The following CYP4F8 variants were observed in gnomAD, a reference collection of about 807,000 sequenced individuals.
CYP4F8 encodes cytochrome P450 4F8.
In CYP4F8, 56 loss-of-function variants were observed where a neutral mutation model predicts 55.0. The ratio of observed to expected loss-of-function variants is 1.02; its 90% CI spans 0.82 to 1.27. The LOEUF (loss-of-function observed/expected upper bound fraction) is 1.27, where lower values mean the gene tolerates loss of function less well. Ranked by LOEUF, CYP4F8 falls within the 50% of genes most tolerant of loss-of-function variation. The pLI is 0.00. For missense variants in CYP4F8, 680 were observed against 682.4 expected (o/e 1.00, Z 0.04); for synonymous variants, 288 against 267.3 (o/e 1.08, Z -0.76).
At chr19:15,624,859 C>G (rs1193823844) in intron 9 of CYP4F8, among the ~76,000 whole-genome samples, 87 of 152,132 alleles carry the variant, frequency 5.7e-4, no homozygotes, top group Non-Finnish European at 7.4e-5. Flanking sequence ...TCTGTGAAGT[C>G]AGTTTTTGCG....
rs1384673967 is a variant in CYP4F8, at chr19:15,627,088, T to A, written c.1116-1214T>A. The A allele has an allele frequency of 6.6e-5, 10 of 152,236 alleles. No individual in the cohort carries two copies. The South Asian group carries it at 8.3e-4, about 13-fold the overall frequency. The allele number at this position is 152,236 out of a possible 1,614,324, so 9.4% of individuals were successfully genotyped here. On this transcript the variant is annotated intron_variant, in intron 9 of 12. Coordinates refer to ENST00000612078, the MANE Select transcript of CYP4F8 (RefSeq NM_007253.4). ...TCTTGCAGCAGTCCCACAGTTTTTTTAAAATTATTTTATTTTTATTAGTAT... is the reference window on the plus strand; with the variant it reads ...TCTTGCAGCAGTCCCACAGTTTTTTAAAAATTATTTTATTTTTATTAGTAT...
At position 15,623,999 on chromosome 19, in the gene CYP4F8, C is replaced by T. The variant is rs774299766; in HGVS notation, c.1020C>T (p.Val340=). ...HDTTASGLSW[V]LYNLARHPEY... The stretch of plus-strand genomic sequence containing the variant: ...CCACGGCCAGTGGCCTCTCCTGGGT[C>T]TTGTACAACCTCGCGAGGCACCCAG... Residue 340 remains valine, a synonymous_variant, in exon 9 of 13, where the codon GTC becomes GTT. Transcript: ENST00000612078. 9.3e-6 allele frequency: 15 copies of T among 1,614,072 alleles called. No individual in the cohort carries two copies. The highest frequency in any genetic ancestry group is 1.0e-5 in the Non-Finnish European group (12 of 1,180,046).
In CYP4F8 at chr19:15,628,557, G is replaced by C. The variant is rs769785131; in HGVS notation, c.1276G>C (p.Ala426Pro). ...KGNVCNINIF[A>P]IHHNPSVWPD... ...GAATGTCTGTAACATCAACATCTTC[G>C]CAATCCATCACAACCCCTCAGTCTG... The change falls in exon 11 of 13, where the codon GCA becomes CCA. Residue 426 changes from alanine to proline, a missense_variant. Physicochemically the swap from Ala to Pro is conservative, Grantham distance 27. Transcript: ENST00000612078. 18 of 1,613,708 alleles carry C rather than the reference G, an allele frequency of 1.1e-5. No homozygotes were observed. The Admixed American group carries it at 2.8e-4, about 25-fold the overall frequency.
At position 15,623,309 on chromosome 19, in the gene CYP4F8, T is replaced by C. The variant is rs1470971633; in HGVS notation, c.852T>C (p.Asp284=). The C allele has an allele frequency of 6.2e-7, 1 of 1,614,054 alleles. No homozygotes were observed. The highest frequency in any genetic ancestry group is 8.5e-7 in the Non-Finnish European group (1 of 1,180,018). ...GCACCCTCACTAGCCAGGGTGTTGA[T>C]GACTTCCTCCAAGCCAAGGCCAAGT... is the stretch of plus-strand genomic sequence containing the variant. The part of the protein sequence containing the change: ...RRRTLTSQGV[D]DFLQAKAKSK... Residue 284 remains aspartate (D), a synonymous_variant, in exon 7 of 13, where the codon GAT becomes GAC. Transcript: ENST00000612078.
chr19:15,619,827 T>C (rs1356759000), intron 5 of CYP4F8, 65 bp downstream of exon 5: 1 of 1,576,360 alleles, frequency 6.3e-7, no homozygotes, highest in African/African-American at 1.3e-5. Flanking sequence ...TACAATTGGG[T>C]CTGGAATGTT....
In CYP4F8 at chr19:15,618,050, C is replaced by T. The variant is rs1167208726; in HGVS notation, c.249C>T (p.Thr83=). Reference sequence around the variant, plus strand: ...GGGTCCTGACCCAGCTGGTGGCCACCTACCCCCAGGGCTTTGTGAGGTGGT... The same window carrying T: ...GGGTCCTGACCCAGCTGGTGGCCACTTACCCCCAGGGCTTTGTGAGGTGGT... ...GLRVLTQLVA[T]YPQGFVRWLG... is the part of the protein sequence containing the mutation. Residue 83 remains threonine (T), a synonymous_variant, in exon 3 of 13, where the codon ACC becomes ACT. Transcript: ENST00000612078. 15 of 1,614,010 alleles carry T rather than the reference C, an allele frequency of 9.3e-6. No homozygotes were observed. Among genetic ancestry groups the T allele is most frequent in the Non-Finnish European group, 1.3e-5 (15 of 1,179,992 alleles).
At chr19:15,617,031 G>A (rs189372769) in intron 2 of CYP4F8, among the ~76,000 whole-genome samples, 51 of 152,310 alleles carry the variant, frequency 3.3e-4, no homozygotes, top group Admixed American at 1.8e-3. Context: ...AAGTTCCACC[G>A]TGTACAGACC....
rs563495964 is a variant in CYP4F8, at chr19:15,629,628, T to C, written c.*270T>C. The C allele has an allele frequency of 9.2e-5, 36 of 392,670 alleles. No homozygotes were observed. Among genetic ancestry groups the C allele is most frequent in the Non-Finnish European group, 1.3e-4 (29 of 221,916 alleles). The allele number at this position is 392,670 out of a possible 1,614,324, so 24.3% of individuals were successfully genotyped here. On this transcript the variant is annotated 3_prime_UTR_variant, in exon 13 of 13. Transcript: ENST00000612078. The stretch of plus-strand genomic sequence containing the variant: ...TCCCAGAGTCTAAGTAAAGACTTTT[T>C]CCCCCCCAAAATAATTGTGTATTCT...
In CYP4F8 at chr19:15,628,339, C is replaced by T; in HGVS notation, c.1153C>T (p.Leu385=). Residue 385 remains leucine (L), a synonymous_variant, in exon 10 of 13, where the codon CTG becomes TTG. Coordinates refer to ENST00000612078, the MANE Select transcript of CYP4F8 (RefSeq NM_007253.4). ...CCAGTTGCCCTTCCTGACCATGTGCCTGAAGGAGAGCCTGCGGTTGCATCC... is the reference window on the plus strand; with the variant it reads ...CCAGTTGCCCTTCCTGACCATGTGCTTGAAGGAGAGCCTGCGGTTGCATCC... ...LAQLPFLTMC[L]KESLRLHPPI... 2 of 1,614,096 alleles carry T rather than the reference C, an allele frequency of 1.2e-6. No individual in the cohort carries two copies. The highest frequency in any genetic ancestry group is 1.7e-6 in the Non-Finnish European group (2 of 1,180,028).
At chr19:15,627,534 A>G (rs1477456882) in intron 9 of CYP4F8, 1 of 152,134 alleles carries the variant, frequency 6.6e-6, no homozygotes, top group Non-Finnish European at 1.5e-5. Flanking sequence ...CAATTAGAAT[A>G]AGATTTCAAA....
At chr19:15,616,329 TGCTTTGCCATGCCAAG>T (rs1972122020) in intron 2 of CYP4F8, among the ~76,000 whole-genome samples, 8 of 151,986 alleles carry the variant, frequency 5.3e-5, no homozygotes, top group Admixed American at 1.3e-4. Context: ...CTCATTCCTC[TGCTTTGCCATGCCAAG>T]CCTTTCTCAT....
rs199929435 is a variant in CYP4F8 at position 15,616,234 on chromosome 19, A to G, written c.198+420A>G. 3.7e-3 allele frequency among the ~76,000 whole-genome samples: 243 copies of G among 66,462 alleles called. 1 individual carries two copies. The East Asian group carries it at 0.079, about 22-fold the overall frequency. The allele number at this position is 66,462 out of a possible 152,430, so 43.6% of individuals were successfully genotyped here. On this transcript the variant is annotated intron_variant, in intron 2 of 12. Coordinates refer to ENST00000612078, the MANE Select transcript of CYP4F8 (RefSeq NM_007253.4). ...TCCTCACTCACTCATTCCTCTCCTCACCCACTCATTCCTCTCCTCGCTCAC... is the reference window on the plus strand; with the variant it reads ...TCCTCACTCACTCATTCCTCTCCTCGCCCACTCATTCCTCTCCTCGCTCAC...
chr19:15,624,220 T>G, intron 9 of CYP4F8, 126 bp downstream of exon 9: 1 of 1,467,952 alleles, frequency 6.8e-7, no homozygotes. Flanking sequence ...CTAGTGGGAA[T>G]AGGAGTAGAG....
At chr19:15,623,509 G>T in intron 7 of CYP4F8, 134 bp downstream of exon 7, 1 of 1,415,478 alleles carries the variant, frequency 7.1e-7, no homozygotes, top group Non-Finnish European at 9.5e-7. Context: ...GGACAAGTCA[G>T]ATAAATTTTA....
chr19:15,624,093 T>TGCA lies in CYP4F8; in HGVS notation c.1115_1115+1insCAG (p.Trp372delinsCysArg). On this transcript the variant is annotated protein_altering_variant and splice_region_variant, in exon 9 of 13. Transcript: ENST00000612078. ...GGACCGTGAGCCTAAAGAGATTGAA[T>TGCA]GGTGAGTGCAGGTGCTGGTGGCTCT... 2 of 1,613,912 alleles carry TGCA rather than the reference T, an allele frequency of 1.2e-6. No individual in the cohort carries two copies. Among genetic ancestry groups the TGCA allele is most frequent in the Non-Finnish European group, 1.7e-6 (2 of 1,179,920 alleles).
chr19:15,618,154 C>T lies in CYP4F8; in HGVS notation c.343+10C>T. On this transcript the variant is annotated intron_variant, in intron 3 of 12. Transcript: ENST00000612078. ...GTCATCAATACCTCAGGTACTCCTG[C>T]AGAGCTTGTGGTGGTGGGCACAGGA... is the stretch of plus-strand genomic sequence containing the variant. The T allele has an allele frequency of 6.2e-7, 1 of 1,614,122 alleles. No individual in the cohort carries two copies. Among genetic ancestry groups the T allele is most frequent in the Non-Finnish European group, 8.5e-7 (1 of 1,179,966 alleles).
At chr19:15,619,328 T>G (rs2144603045) in intron 3 of CYP4F8, 162 bp from the exon 4 acceptor site, 20 of 724,440 alleles carry the variant, frequency 2.8e-5, no homozygotes, top group East Asian at 2.8e-5. Context: ...CCGGTCCCCT[T>G]TATGCCCCCC....
At chr19:15,618,886 C>G in intron 3 of CYP4F8, 1 of 172,428 alleles carries the variant, frequency 5.8e-6, no homozygotes, top group Non-Finnish European at 1.3e-5. Flanking sequence ...CGTACCCTTG[C>G]CCTCTGCCCT....
rs1215554683 is a variant in CYP4F8 at position 15,629,562 on chromosome 19, T to C, written c.*204T>C. On this transcript the variant is annotated 3_prime_UTR_variant, in exon 13 of 13. Coordinates refer to ENST00000612078, the MANE Select transcript of CYP4F8 (RefSeq NM_007253.4). The stretch of plus-strand genomic sequence containing the variant: ...CTCTGTGCCCAAGATACTCACTGCC[T>C]CTCTGGGTGAGCACAGGAGCCCCGT... 4.5e-6 allele frequency: 3 copies of C among 660,728 alleles called. No homozygotes were observed. The highest frequency in any genetic ancestry group is 7.1e-6 in the Non-Finnish European group (3 of 423,016). 40.9% of individuals were successfully genotyped at this position (660,728 alleles called of 1,614,324 possible).
Sources: gnomAD v4.1 joint callset for allele counts (sites outside exome capture counted in the v4.1 genomes callset) on GRCh38, gnomAD v4.1.1 for gene constraint, MANE v1.5 for transcripts, NCBI Gene and HGNC (gene_info 2026-07-23, HGNC 2026-07-21) for gene names.